GALNTL6: variants seen among roughly 807,000 people sequenced by gnomAD.
The protein encoded by GALNTL6 is polypeptide N-acetylgalactosaminyltransferase-like 6.
A neutral mutation model predicts 73.7 loss-of-function variants in GALNTL6; 46 were observed. That is an observed-to-expected ratio of 0.62 (90% CI 0.49 to 0.80). The LOEUF (loss-of-function observed/expected upper bound fraction) is 0.80, where lower values mean the gene tolerates loss of function less well. Ranked by LOEUF, GALNTL6 falls within the 30% of genes least tolerant of loss-of-function variation. GALNTL6 has a pLI of 0.00. For missense variants in GALNTL6, 604 were observed against 755.0 expected (o/e 0.80, Z 2.34); for synonymous variants, 259 against 263.7 (o/e 0.98, Z 0.17).
At chr4:172,892,025 G>T (rs1463330303) in intron 8 of GALNTL6, among the ~76,000 whole-genome samples, 1 of 152,058 alleles carries the variant, frequency 6.6e-6, no homozygotes, top group African/African-American at 2.4e-5. Context: ...TGTTTTTCTG[G>T]CTTCCGTGCA....
At chr4:172,045,137 C>G (rs894902370) in intron 2 of GALNTL6, among the ~76,000 whole-genome samples, 1 of 151,902 alleles carries the variant, frequency 6.6e-6, no homozygotes, top group Admixed American at 6.6e-5. Flanking sequence ...CATACAAAAA[C>G]TTTCAGTGTT....
chr4:172,225,423 T>A (rs1181887854), intron 2 of GALNTL6, among the ~76,000 whole-genome samples: 2 of 151,898 alleles, frequency 1.3e-5, no homozygotes, highest in Non-Finnish European at 2.9e-5. Context: ...TTGACTTTTT[T>A]TTTTTTTTAC....
chr4:172,718,246 G>A (rs1735229555), intron 5 of GALNTL6, among the ~76,000 whole-genome samples: 1 of 152,092 alleles, frequency 6.6e-6, no homozygotes, highest in East Asian at 1.9e-4. Flanking sequence ...AATATTTTGT[G>A]CTAAATATAC....
intron 8 of GALNTL6, among the ~76,000 whole-genome samples, chr4:172,887,536 T>TTTA (rs1745786491): frequency 1.4e-5 from 2 of 143,284 alleles, no homozygotes; most frequent in African/African-American, 5.2e-5. Flanking sequence ...TATTTTAACC[T>TTTA]TTTATTTATT....
At chr4:172,304,422 T>C (rs536804416) in intron 3 of GALNTL6, among the ~76,000 whole-genome samples, 71 of 5,204 alleles carry the variant, frequency 0.014, no homozygotes, top group Non-Finnish European at 0.014. Flanking sequence ...AAGTAGTATA[T>C]GGGAAAAAAA....
intron 2 of GALNTL6, among the ~76,000 whole-genome samples, chr4:171,928,696 C>T (rs1235094239): frequency 6.6e-6 from 1 of 152,176 alleles, no homozygotes; most frequent in Non-Finnish European, 1.5e-5. Context: ...TTACTTTCCC[C>T]TTTCTATGTT....
intron 5 of GALNTL6, among the ~76,000 whole-genome samples, chr4:172,560,381 C>A (rs972228757): frequency 1.3e-5 from 2 of 151,992 alleles, no homozygotes; most frequent in African/African-American, 4.8e-5. Context: ...ACCTATAGTC[C>A]CACCTACTTG....
chr4:171,972,916 G>A (rs1739612893), intron 2 of GALNTL6, among the ~76,000 whole-genome samples: 1 of 152,074 alleles, frequency 6.6e-6, no homozygotes, highest in African/African-American at 2.4e-5. Context: ...CAGAATAATA[G>A]TATAATCGAA....
intron 5 of GALNTL6, among the ~76,000 whole-genome samples, chr4:172,619,436 G>T (rs1451468680): frequency 6.6e-6 from 1 of 152,076 alleles, no homozygotes; most frequent in East Asian, 1.9e-4. Context: ...AAAACGAGAG[G>T]TTTTTCCCCA....
chr4:172,484,420 T>G (rs2111489383), intron 5 of GALNTL6, among the ~76,000 whole-genome samples: 1 of 152,292 alleles, frequency 6.6e-6, no homozygotes, highest in African/African-American at 2.4e-5. Flanking sequence ...AGGAAGTATA[T>G]TTAGGGAGTG....
intron 2 of GALNTL6, among the ~76,000 whole-genome samples, chr4:172,187,167 A>G (rs1187796960): frequency 6.6e-6 from 1 of 152,120 alleles, no homozygotes; most frequent in Non-Finnish European, 1.5e-5. Context: ...TAAGCAAAAC[A>G]TAACAGTTTC....
At chr4:172,555,540 T>C (rs909193382) in intron 5 of GALNTL6, among the ~76,000 whole-genome samples, 1 of 152,112 alleles carries the variant, frequency 6.6e-6, no homozygotes, top group Non-Finnish European at 1.5e-5. Flanking sequence ...CCCCATGCTG[T>C]GAGGCCTCTC....
intron 2 of GALNTL6, among the ~76,000 whole-genome samples, chr4:171,898,095 T>C (rs1736980046): frequency 6.6e-6 from 1 of 152,042 alleles, no homozygotes; most frequent in African/African-American, 2.4e-5. Flanking sequence ...TGACAAAAGA[T>C]ATATGAAAGG....
intron 7 of GALNTL6, among the ~76,000 whole-genome samples, chr4:172,842,711 G>A (rs1743277165): frequency 6.6e-6 from 1 of 151,482 alleles, no homozygotes; most frequent in African/African-American, 2.4e-5. Context: ...GGACTGGGGA[G>A]TTAGGGGAAG....
At chr4:172,588,794 G>T (rs952211222) in intron 5 of GALNTL6, among the ~76,000 whole-genome samples, 1 of 152,092 alleles carries the variant, frequency 6.6e-6, no homozygotes, top group Admixed American at 6.6e-5. Context: ...TCGATATGAC[G>T]TGAGCATGCT....
At chr4:172,815,845 A>G (rs1476993175) in intron 7 of GALNTL6, among the ~76,000 whole-genome samples, 1 of 152,190 alleles carries the variant, frequency 6.6e-6, no homozygotes. Context: ...ATTGATTCCT[A>G]GGAATGTGGA....
intron 5 of GALNTL6, among the ~76,000 whole-genome samples, chr4:172,738,461 C>T (rs1736596456): frequency 6.6e-6 from 1 of 152,100 alleles, no homozygotes; most frequent in Non-Finnish European, 1.5e-5. Flanking sequence ...TCTACACCAC[C>T]ATTTTGGATA....
rs1398134067 is a variant in GALNTL6, at chr4:172,138,433, A to G, written c.139-91223A>G. Among the ~76,000 whole-genome samples, 5 of 109,076 alleles carry G rather than the reference A, an allele frequency of 4.6e-5. No homozygotes were observed. The East Asian group carries it at 1.4e-3, about 31-fold the overall frequency. The allele number at this position is 109,076 out of a possible 152,430, so 71.6% of individuals were successfully genotyped here. ...TTCCTTTTTTTTTGCCAACTATCTC[A>G]GAGTCAAATTTGATGTCTAATTATA... is the stretch of plus-strand genomic sequence containing the variant. On this transcript the variant is annotated intron_variant, in intron 2 of 12. Transcript: ENST00000506823.
chr4:172,793,449 G>A (rs952820765), intron 5 of GALNTL6, among the ~76,000 whole-genome samples: 1 of 152,108 alleles, frequency 6.6e-6, no homozygotes, highest in Admixed American at 6.6e-5. Flanking sequence ...TCAACATCAT[G>A]TCTATCTCAA....
Sources: gnomAD v4.1 joint callset for allele counts (sites outside exome capture counted in the v4.1 genomes callset) on GRCh38, gnomAD v4.1.1 for gene constraint, MANE v1.5 for transcripts, NCBI Gene and HGNC (gene_info 2026-07-23, HGNC 2026-07-21) for gene names.